Variants in MEGF11 observed in about 807,000 individuals in gnomAD.
The protein encoded by MEGF11 is multiple EGF like domains 11, also known as multiple epidermal growth factor-like domains protein 11.
Under a neutral mutation model 146.6 loss-of-function variants are expected in MEGF11, and 126 were observed. The ratio of observed to expected loss-of-function variants is 0.86; its 90% CI spans 0.74 to 1.00. The LOEUF (loss-of-function observed/expected upper bound fraction) is 1.00. MEGF11 is among the 50% of genes least tolerant of loss of function. MEGF11 has a pLI of 0.00. For synonymous variants in MEGF11, 532 were observed against 583.4 expected (o/e 0.91, Z 1.27); for missense variants, 1,509 against 1,521.2 (o/e 0.99, Z 0.13).
At chr15:66,024,323 G>A (rs1048143757) in intron 5 of MEGF11, among the ~76,000 whole-genome samples, 3 of 152,250 alleles carry the variant, frequency 2.0e-5, no homozygotes, top group Non-Finnish European at 2.9e-5. Flanking sequence ...GGCGCCCGGG[G>A]CTGCGCCCAC....
At chr15:66,156,305 G>A (rs1358174100) in intron 1 of MEGF11, among the ~76,000 whole-genome samples, 1 of 152,026 alleles carries the variant, frequency 6.6e-6, no homozygotes, top group Non-Finnish European at 1.5e-5. Context: ...CCACACCTTG[G>A]TTCTACTGTA....
At chr15:66,078,738 G>A (rs1203058727) in intron 5 of MEGF11, among the ~76,000 whole-genome samples, 1 of 152,156 alleles carries the variant, frequency 6.6e-6, no homozygotes, top group East Asian at 1.9e-4. Context: ...CCGGTTGCCA[G>A]CACGTGCGAC....
At chr15:66,009,926 G>T (rs1168802547) in intron 5 of MEGF11, among the ~76,000 whole-genome samples, 1 of 152,048 alleles carries the variant, frequency 6.6e-6, no homozygotes, top group African/African-American at 2.4e-5. Flanking sequence ...GGTGGGTAGG[G>T]GGAAGAAGGC....
intron 1 of MEGF11, among the ~76,000 whole-genome samples, chr15:66,184,741 A>C (rs1597140452): frequency 6.6e-6 from 1 of 151,418 alleles, no homozygotes; most frequent in African/African-American, 2.4e-5. Context: ...GTTCTCCCAA[A>C]GCACCGTGTT....
intron 5 of MEGF11, among the ~76,000 whole-genome samples, chr15:66,038,818 T>C (rs1209219621): frequency 6.6e-6 from 1 of 152,190 alleles, no homozygotes; most frequent in African/African-American, 2.4e-5. Flanking sequence ...TCCAATCACC[T>C]GGGTCTCACT....
intron 1 of MEGF11, among the ~76,000 whole-genome samples, chr15:66,184,934 C>A (rs1567275891): frequency 6.6e-6 from 1 of 152,232 alleles, no homozygotes; most frequent in East Asian, 1.9e-4. Flanking sequence ...GAGCCATATT[C>A]CTTTCCTTCC....
At chr15:66,011,625 G>A (rs1328414492) in intron 5 of MEGF11, among the ~76,000 whole-genome samples, 2 of 151,988 alleles carry the variant, frequency 1.3e-5, no homozygotes, top group Non-Finnish European at 2.9e-5. Flanking sequence ...GATCCTAATA[G>A]CACCTGCTTC....
At chr15:66,186,126 G>A (rs999126037) in intron 1 of MEGF11, among the ~76,000 whole-genome samples, 3 of 152,158 alleles carry the variant, frequency 2.0e-5, no homozygotes, top group African/African-American at 7.2e-5. Flanking sequence ...CCAGACCCAG[G>A]TTGACCACTC....
At chr15:66,158,636 G>A (rs9888704) in intron 1 of MEGF11, among the ~76,000 whole-genome samples, 23,283 of 152,306 alleles carry the variant, frequency 0.15, 1,928 homozygotes, top group African/African-American at 0.22. Context: ...ATCTCCAAGC[G>A]TGGGGCCTGG....
rs115388478 is a variant in MEGF11, at chr15:65,947,340, G to A, written c.1287+10207C>T. 7.1e-3 allele frequency among the ~76,000 whole-genome samples: 1,084 copies of A among 152,222 alleles called. 9 individuals carry two copies. Among genetic ancestry groups the A allele is most frequent in the African/African-American group, 0.024 (1,005 of 41,528 alleles). On this transcript the variant is annotated intron_variant, in intron 10 of 25. Coordinates refer to ENST00000395614, the MANE Select transcript of MEGF11 (RefSeq NM_001385028.1). ...CTAGCAGGAGCTTTCTTTGTTCCAG[G>A]CCTGCAGATTTTGTGGGGGGACTAG... is the stretch of plus-strand genomic sequence containing the variant.
intron 5 of MEGF11, among the ~76,000 whole-genome samples, chr15:66,064,959 G>A (rs542901915): frequency 9.8e-4 from 149 of 152,334 alleles, no homozygotes; most frequent in African/African-American, 3.5e-3. Flanking sequence ...ACCTGGGAGT[G>A]TCTGGAAGGC....
Position 65,929,828 on chromosome 15 carries a change from G to A in MEGF11, c.1464C>T (p.Asn488=), listed in dbSNP as rs1289005271. Residue 488 remains asparagine, a synonymous_variant, in exon 12 of 26, where the codon AAC becomes AAT. Coordinates refer to ENST00000395614, the MANE Select transcript of MEGF11 (RefSeq NM_001385028.1). ...TGGCACAGGTGCAGCTCTCGTTGCA[G>A]TTCAGGCCCCACGTCCCACTGGGAC... is the stretch of plus-strand genomic sequence containing the variant. ...LPCPSGTWGL[N]CNESCTCANG... 6 of 1,590,450 alleles carry A rather than the reference G, an allele frequency of 3.8e-6. No individual in the cohort carries two copies. Among genetic ancestry groups the A allele is most frequent in the South Asian group, 2.3e-5 (2 of 87,108 alleles).
chr15:65,980,029 C>A (rs2081578650), intron 7 of MEGF11, among the ~76,000 whole-genome samples: 1 of 152,096 alleles, frequency 6.6e-6, no homozygotes. Flanking sequence ...ATTCTGGGGC[C>A]CACAGAATCA....
chr15:66,069,070 G>C (rs1567226475), intron 5 of MEGF11, among the ~76,000 whole-genome samples: 1 of 152,198 alleles, frequency 6.6e-6, no homozygotes, highest in African/African-American at 2.4e-5. Context: ...CCCTCTCTCA[G>C]CCTCAGCTTC....
chr15:65,911,770 T>G (rs951665442), intron 21 of MEGF11, among the ~76,000 whole-genome samples: 1 of 152,194 alleles, frequency 6.6e-6, no homozygotes, highest in Non-Finnish European at 1.5e-5. Context: ...TCTACATGAT[T>G]ATAGGTGATA....
At chr15:65,903,668 T>C (rs2078549541) in intron 24 of MEGF11, among the ~76,000 whole-genome samples, 1 of 152,276 alleles carries the variant, frequency 6.6e-6, no homozygotes, top group African/African-American at 2.4e-5. Context: ...CAGAGAACAC[T>C]GAGACTCTTA....
chr15:65,932,047 G>A (rs773862490), intron 10 of MEGF11, among the ~76,000 whole-genome samples: 1 of 152,220 alleles, frequency 6.6e-6, no homozygotes, highest in Admixed American at 6.5e-5. Context: ...ATAGAGATTA[G>A]TGAGCTCTTG....
At chr15:66,176,880 G>A (rs976811663) in intron 1 of MEGF11, among the ~76,000 whole-genome samples, 4 of 147,446 alleles carry the variant, frequency 2.7e-5, no homozygotes, top group African/African-American at 4.8e-5. Flanking sequence ...GAACAGTCAA[G>A]CTAACAATCA....
chr15:66,014,114 G>A (rs2082802543), intron 5 of MEGF11, among the ~76,000 whole-genome samples: 1 of 152,222 alleles, frequency 6.6e-6, no homozygotes, highest in African/African-American at 2.4e-5. Flanking sequence ...CACAAGCCAA[G>A]GAGACCTGGA....
Sources: gnomAD v4.1 joint callset for allele counts (sites outside exome capture counted in the v4.1 genomes callset) on GRCh38, gnomAD v4.1.1 for gene constraint, MANE v1.5 for transcripts, NCBI Gene and HGNC (gene_info 2026-07-23, HGNC 2026-07-21) for gene names.